CHRNA1: variants seen among roughly 807,000 people sequenced by gnomAD.
CHRNA1 encodes the protein cholinergic receptor nicotinic alpha 1 subunit.
In CHRNA1, 35 loss-of-function variants were observed where a neutral mutation model predicts 47.1. The ratio of observed to expected loss-of-function variants is 0.74; its 90% CI spans 0.57 to 0.99. The LOEUF (loss-of-function observed/expected upper bound fraction) is 0.99, where lower values mean the gene tolerates loss of function less well. CHRNA1 is among the 50% of genes least tolerant of loss of function. CHRNA1 has a pLI of 0.00. For synonymous variants in CHRNA1, 229 were observed against 223.6 expected, an observed-to-expected ratio of 1.02 and a Z score of -0.22; for missense variants, 506 against 591.1, an observed-to-expected ratio of 0.86 and a Z score of 1.49.
At chr2:174,753,036 G>A (rs1165305594) in intron 6 of CHRNA1, 2 of 259,858 alleles carry the variant, frequency 7.7e-6, no homozygotes, top group African/African-American at 4.3e-5. Flanking sequence ...TGTGTGTGAA[G>A]ATGCCACCAT....
chr2:174,754,437 A>G, intron 4 of CHRNA1, 23 bp from the exon 5 acceptor site: 1 of 1,609,570 alleles, frequency 6.2e-7, no homozygotes, highest in South Asian at 1.1e-5. Flanking sequence ...TAAAAGAGGA[A>G]AATGGCTCCA....
intron 1 of CHRNA1, among the ~76,000 whole-genome samples, chr2:174,763,326 GCGCGCACACACA>G (rs766133726): frequency 2.7e-4 from 27 of 99,244 alleles, no homozygotes; most frequent in Non-Finnish European, 6.2e-4. Context: ...GTGTGCACGC[GCGCGCACACACA>G]CACACACACA....
At chr2:174,751,023 A>T (rs1453874783) in intron 6 of CHRNA1, among the ~76,000 whole-genome samples, 1 of 152,216 alleles carries the variant, frequency 6.6e-6, no homozygotes, top group African/African-American at 2.4e-5. Context: ...AAAGGACAAA[A>T]TCCGGAAGGC....
At chr2:174,761,848 C>A (rs145685631) in intron 1 of CHRNA1, among the ~76,000 whole-genome samples, 16 of 152,322 alleles carry the variant, frequency 1.1e-4, no homozygotes, top group African/African-American at 3.4e-4. Context: ...GGTGGAGTTG[C>A]AGACTGGAAT....
intron 1 of CHRNA1, among the ~76,000 whole-genome samples, chr2:174,762,714 C>T (rs569446599): frequency 1.3e-5 from 2 of 152,290 alleles, no homozygotes; most frequent in South Asian, 4.2e-4. Flanking sequence ...ACAGAGATCA[C>T]GCTGTGTTAA....
In CHRNA1 at chr2:174,759,561, A is replaced by G; in HGVS notation, c.116T>C (p.Val39Ala). 1 of 1,614,012 alleles carries G rather than the reference A, an allele frequency of 6.2e-7. No individual in the cohort carries two copies. ...CTGGCGGTGGTCTTCCACTGGCCGCACCACGCTGCTGTAGTCTTTAAATAG... is the reference window on the plus strand; with the variant it reads ...CTGGCGGTGGTCTTCCACTGGCCGCGCCACGCTGCTGTAGTCTTTAAATAG... ...AKLFKDYSSVVRPVEDHRQVV... is the reference protein window; with the variant it reads ...AKLFKDYSSVARPVEDHRQVV... The change falls in exon 2 of 9, where the codon GTG (valine) becomes GCG (alanine). Residue 39 changes from valine (V) to alanine (A), a missense_variant. Coordinates refer to ENST00000348749, the MANE Select transcript of CHRNA1 (RefSeq NM_000079.4).
intron 3 of CHRNA1, 36 bp from the exon 4 acceptor site, chr2:174,757,711 A>G: frequency 1.3e-6 from 2 of 1,562,710 alleles, no homozygotes; most frequent in East Asian, 2.2e-5. Flanking sequence ...TAAAAAGCCA[A>G]AAACACTTTC....
Position 174,764,316 on chromosome 2 carries a change from G to A in CHRNA1, c.43+36C>T, listed in dbSNP as rs200766644. 9.3e-6 allele frequency: 15 copies of A among 1,606,636 alleles called. No homozygotes were observed. The East Asian group carries it at 3.4e-4, about 36-fold the overall frequency. Reference sequence around the variant, plus strand: ...GGCCTCCAGCACTTTAGCCTCAAAGGAGAGCCCTCTCCCCACCCCTGACCC... The same window carrying A: ...GGCCTCCAGCACTTTAGCCTCAAAGAAGAGCCCTCTCCCCACCCCTGACCC... On this transcript the variant is annotated intron_variant, in intron 1 of 8. Coordinates refer to ENST00000348749, the MANE Select transcript of CHRNA1 (RefSeq NM_000079.4).
chr2:174,759,196 G>T, intron 3 of CHRNA1, 135 bp downstream of exon 3: 2 of 1,034,272 alleles, frequency 1.9e-6, no homozygotes, highest in Non-Finnish European at 3.0e-6. Flanking sequence ...CAGGATCCAT[G>T]CTTTCACCAT....
chr2:174,748,944 G>T, intron 7 of CHRNA1, 125 bp from the exon 8 acceptor site: 3 of 1,280,250 alleles, frequency 2.3e-6, no homozygotes, highest in Non-Finnish European at 3.2e-6. Context: ...CAGCCTCCTT[G>T]TCCTTAAAAC....
intron 6 of CHRNA1, among the ~76,000 whole-genome samples, chr2:174,751,627 T>C (rs957715440): frequency 6.6e-6 from 1 of 152,054 alleles, no homozygotes; most frequent in African/African-American, 2.4e-5. Context: ...TTATCAAGCA[T>C]AATTTTTGTG....
chr2:174,763,053 G>A (rs1558916274), intron 1 of CHRNA1, among the ~76,000 whole-genome samples: 3 of 135,478 alleles, frequency 2.2e-5, no homozygotes, highest in Non-Finnish European at 4.9e-5. Context: ...ACCTTGGGCA[G>A]GTCAGCTTTA....
rs768878508 is a variant in CHRNA1 at position 174,748,638 on chromosome 2, G to A, written c.1184C>T (p.Ala395Val). 101 of 1,614,002 alleles carry A rather than the reference G, an allele frequency of 6.3e-5. 1 individual carries two copies. In the South Asian group the frequency reaches 1.0e-3, roughly 16 times the overall value. The change falls in exon 8 of 9, where the codon GCC (alanine) becomes GTC (valine). Residue 395 changes from alanine (A) to valine (V), a missense_variant. Coordinates refer to ENST00000348749, the MANE Select transcript of CHRNA1 (RefSeq NM_000079.4). ...PLIKHPEVKSAIEGIKYIAET... is the reference protein window; with the variant it reads ...PLIKHPEVKSVIEGIKYIAET... ...TGCGATGTACTTGATGCCCTCGATGGCACTTTTCACCTCGGGGTGTTTGAT... is the reference window on the plus strand; with the variant it reads ...TGCGATGTACTTGATGCCCTCGATGACACTTTTCACCTCGGGGTGTTTGAT...
chr2:174,749,963 G>T lies in CHRNA1; in HGVS notation c.985C>A (p.Pro329Thr). The change falls in exon 7 of 9, where the codon CCC (proline) becomes ACC (threonine). Residue 329 changes from proline (P) to threonine (T), a missense_variant. Transcript: ENST00000348749. ...HHRSPSTHVM[P>T]NWVRKVFIDT... ...CCACTCACCTTCCGCACCCAGTTGGGCATGACATGGGTGCTGGGTGAGCGG... is the reference window on the plus strand; with the variant it reads ...CCACTCACCTTCCGCACCCAGTTGGTCATGACATGGGTGCTGGGTGAGCGG... 1 of 1,614,058 alleles carries T rather than the reference G, an allele frequency of 6.2e-7. No individual in the cohort carries two copies. Among genetic ancestry groups the T allele is most frequent in the South Asian group, 1.1e-5 (1 of 91,052 alleles).
At chr2:174,751,917 T>C (rs542923567) in intron 6 of CHRNA1, among the ~76,000 whole-genome samples, 28 of 152,168 alleles carry the variant, frequency 1.8e-4, no homozygotes, top group African/African-American at 6.5e-4. Context: ...TGACCTCAAG[T>C]GATCCATCCG....
intron 4 of CHRNA1, among the ~76,000 whole-genome samples, chr2:174,754,705 A>T (rs911275515): frequency 6.6e-6 from 1 of 152,054 alleles, no homozygotes; most frequent in African/African-American, 2.4e-5. Context: ...AACAGGTAAC[A>T]TGGGTCCACT....
chr2:174,758,978 A>C (rs1684037913), intron 3 of CHRNA1, among the ~76,000 whole-genome samples: 1 of 152,166 alleles, frequency 6.6e-6, no homozygotes, highest in South Asian at 2.1e-4. Context: ...GTCATCTACA[A>C]GCTGAAGAGA....
intron 1 of CHRNA1, 117 bp downstream of exon 1, chr2:174,764,235 T>G (rs867123063): frequency 3.9e-6 from 4 of 1,028,654 alleles, no homozygotes; most frequent in Non-Finnish European, 6.0e-6. Context: ...CAGCCCCTGG[T>G]TGGGGAGGCT....
At position 174,748,036 on chromosome 2, in the gene CHRNA1, G is replaced by C; in HGVS notation, c.*88C>G. On this transcript the variant is annotated 3_prime_UTR_variant, in exon 9 of 9. Transcript: ENST00000348749. ...GGAATATAACACGTTTGATAAGTGC[G>C]AGTGGAGCAAGTAGACAAATCTTCC... The C allele has an allele frequency of 6.6e-7, 1 of 1,511,464 alleles. No homozygotes were observed. The highest frequency in any genetic ancestry group is 9.1e-7 in the Non-Finnish European group (1 of 1,094,320). The allele number at this position is 1,511,464 out of a possible 1,614,324, so 93.6% of individuals were successfully genotyped here. A position where few individuals can be genotyped will look rare whatever the true frequency, so the allele number is the denominator to read the frequency against.
Sources: gnomAD v4.1 joint callset for allele counts (sites outside exome capture counted in the v4.1 genomes callset) on GRCh38, gnomAD v4.1.1 for gene constraint, MANE v1.5 for transcripts, NCBI Gene and HGNC (gene_info 2026-07-23, HGNC 2026-07-21) for gene names.